Variants in ADGRL3 observed in about 807,000 individuals in gnomAD.
The protein encoded by ADGRL3 is adhesion G protein-coupled receptor L3.
In ADGRL3, 62 loss-of-function variants were observed where a neutral mutation model predicts 153.5. That is an observed-to-expected ratio of 0.40 (90% CI 0.33 to 0.50). ADGRL3 has a LOEUF of 0.50. Ranked by LOEUF, ADGRL3 falls within the 20% of genes least tolerant of loss-of-function variation. ADGRL3 has a pLI of 0.47. For synonymous variants in ADGRL3, 710 were observed against 672.5 expected (o/e 1.06, Z -0.86); for missense variants, 1,641 against 1,859.4 (o/e 0.88, Z 2.16).
At chr4:61,983,034 G>T (rs1236489380) in intron 18 of ADGRL3, among the ~76,000 whole-genome samples, 3 of 151,970 alleles carry the variant, frequency 2.0e-5, no homozygotes, top group Admixed American at 1.3e-4. Flanking sequence ...TCTAACTCAT[G>T]ATTATGGCCA....
intron 2 of ADGRL3, among the ~76,000 whole-genome samples, chr4:61,472,354 G>A (rs1025923849): frequency 1.3e-5 from 2 of 152,064 alleles, no homozygotes. Context: ...CTCTGACTCA[G>A]TGTTTCTTAT....
chr4:61,251,705 C>T (rs562303202), intron 1 of ADGRL3, among the ~76,000 whole-genome samples: 21 of 151,732 alleles, frequency 1.4e-4, no homozygotes, highest in Non-Finnish European at 2.5e-4. Flanking sequence ...CCATCAGAGG[C>T]CTAAAACTAC....
rs1194866589 is a variant in ADGRL3 at position 61,360,702 on chromosome 4, A to T, written c.-239-22422A>T. Among the ~76,000 whole-genome samples the T allele has an allele frequency of 3.9e-5, 6 of 152,206 alleles. No individual in the cohort carries two copies. In the East Asian group the frequency reaches 9.6e-4, roughly 24 times the overall value. ...AACATTTTTCAATGAAATTTTAACA[A>T]TAGCACATAACGAAGGCTAAAATCC... On this transcript the variant is annotated intron_variant, in intron 1 of 26. Coordinates refer to ENST00000683033, the MANE Select transcript of ADGRL3 (RefSeq NM_001387552.1).
chr4:61,385,709 A>G (rs545792545), intron 2 of ADGRL3: 3 of 152,330 alleles, frequency 2.0e-5, no homozygotes, highest in East Asian at 3.9e-4. Context: ...TAATTTTTGT[A>G]AAAAGGATGA....
At chr4:62,009,789 G>A (rs564205580) in intron 21 of ADGRL3, among the ~76,000 whole-genome samples, 40 of 152,098 alleles carry the variant, frequency 2.6e-4, no homozygotes, top group South Asian at 6.2e-4. Flanking sequence ...CCTCAAGACC[G>A]CCCCCACTTT....
intron 6 of ADGRL3, among the ~76,000 whole-genome samples, chr4:61,680,893 A>G (rs914304806): frequency 6.6e-6 from 1 of 151,972 alleles, no homozygotes; most frequent in Non-Finnish European, 1.5e-5. Context: ...GTTCACAGGC[A>G]CACTTTTCCT....
At chr4:61,469,215 C>G (rs188063936) in intron 2 of ADGRL3, among the ~76,000 whole-genome samples, 9 of 152,052 alleles carry the variant, frequency 5.9e-5, no homozygotes, top group African/African-American at 2.2e-4. Context: ...TGCTCTTTTG[C>G]CTTTAGGTGA....
At chr4:61,936,084 A>G in intron 15 of ADGRL3, 39 bp downstream of exon 15, 1 of 1,603,592 alleles carries the variant, frequency 6.2e-7, no homozygotes, top group Non-Finnish European at 8.5e-7. Flanking sequence ...AGGGAATTGA[A>G]CTTGCATCAG....
chr4:61,645,373 C>T (rs1353040109), intron 5 of ADGRL3, among the ~76,000 whole-genome samples: 1 of 150,548 alleles, frequency 6.6e-6, no homozygotes, highest in Admixed American at 6.6e-5. Flanking sequence ...GCAGTTTCTT[C>T]CTAGTCTCGA....
At chr4:61,293,318 G>C (rs1037169286) in intron 1 of ADGRL3, among the ~76,000 whole-genome samples, 5 of 152,156 alleles carry the variant, frequency 3.3e-5, no homozygotes, top group Admixed American at 6.6e-5. Context: ...ATAGGGTTCT[G>C]CATAAAACAT....
intron 2 of ADGRL3, among the ~76,000 whole-genome samples, chr4:61,465,572 A>G (rs1470961082): frequency 2.6e-5 from 4 of 151,412 alleles, no homozygotes; most frequent in African/African-American, 9.7e-5. Flanking sequence ...TATGTCTTCT[A>G]TTTTTTAAAT....
At chr4:61,309,641 T>C (rs1162218649) in intron 1 of ADGRL3, among the ~76,000 whole-genome samples, 1 of 152,110 alleles carries the variant, frequency 6.6e-6, no homozygotes, top group African/African-American at 2.4e-5. Flanking sequence ...TGATGAGTCA[T>C]TGGTTTAGAG....
chr4:61,618,397 A>G (rs1409365305), intron 5 of ADGRL3, among the ~76,000 whole-genome samples: 2 of 152,190 alleles, frequency 1.3e-5, no homozygotes, highest in African/African-American at 4.8e-5. Context: ...TTTCTATGTA[A>G]CAAATTGCCC....
intron 5 of ADGRL3, among the ~76,000 whole-genome samples, chr4:61,623,981 A>G (rs1359307035): frequency 6.6e-6 from 1 of 152,156 alleles, no homozygotes; most frequent in East Asian, 1.9e-4. Context: ...GACTCCATTT[A>G]AAGTTTGTAA....
chr4:61,645,582 A>G (rs1378844569), intron 5 of ADGRL3, among the ~76,000 whole-genome samples: 2 of 152,068 alleles, frequency 1.3e-5, no homozygotes, highest in African/African-American at 2.4e-5. Context: ...TGGGTTGAAA[A>G]TTCTTTTCTT....
At chr4:61,875,017 T>C (rs867613693) in intron 9 of ADGRL3, among the ~76,000 whole-genome samples, 4 of 150,602 alleles carry the variant, frequency 2.7e-5, no homozygotes, top group African/African-American at 9.8e-5. Context: ...ACCTTGTTAG[T>C]CAGGATGGTC....
intron 9 of ADGRL3, among the ~76,000 whole-genome samples, chr4:61,868,832 A>T (rs984456705): frequency 2.0e-4 from 30 of 152,018 alleles, no homozygotes; most frequent in African/African-American, 7.0e-4. Context: ...ATGCTCACTC[A>T]CTTTCAGACT....
intron 25 of ADGRL3, among the ~76,000 whole-genome samples, chr4:62,048,448 A>C (rs766079326): frequency 3.4e-4 from 52 of 151,934 alleles, no homozygotes; most frequent in Non-Finnish European, 6.8e-4. Flanking sequence ...TTTTTAGTAG[A>C]GACGGGGTTT....
chr4:61,212,206 A>G (rs1740391521), intron 1 of ADGRL3: 1 of 152,236 alleles, frequency 6.6e-6, no homozygotes, highest in Non-Finnish European at 1.5e-5. Context: ...AGGAACAAAT[A>G]CAGCATAAAA....
Sources: allele counts gnomAD v4.1 joint callset (sites outside exome capture counted in the v4.1 genomes callset), GRCh38; gene constraint gnomAD v4.1.1; transcripts MANE v1.5; gene names NCBI Gene and HGNC (gene_info 2026-07-23, HGNC 2026-07-21).